ANKS1B: variants seen among roughly 807,000 people sequenced by gnomAD.
ANKS1B encodes the protein ankyrin repeat and sterile alpha motif domain-containing protein 1B.
ANKS1B carries 36 observed loss-of-function variants against 148.3 expected under a neutral mutation model. The observed-to-expected ratio is 0.24, with a 90% CI of 0.19 to 0.32. The LOEUF (loss-of-function observed/expected upper bound fraction) is 0.32, where lower values mean the gene tolerates loss of function less well. Among genes scored for constraint, ANKS1B ranks in the 10% least tolerant of loss-of-function variants. The pLI, the probability that ANKS1B is intolerant of heterozygous loss-of-function variation, is 1.00. For synonymous variants in ANKS1B, 542 were observed against 560.8 expected, an observed-to-expected ratio of 0.97 and a Z score of 0.47; for missense variants, 1,157 against 1,542.6, an observed-to-expected ratio of 0.75 and a Z score of 4.19.
intron 16 of ANKS1B, among the ~76,000 whole-genome samples, chr12:99,071,890 C>T (rs2046402024): frequency 6.6e-6 from 1 of 152,122 alleles, no homozygotes; most frequent in South Asian, 2.1e-4. Context: ...CGTGATCTGC[C>T]TGCCTCGGCC....
intron 9 of ANKS1B, among the ~76,000 whole-genome samples, chr12:99,561,402 G>C (rs1378656177): frequency 6.6e-6 from 1 of 152,038 alleles, no homozygotes; most frequent in Admixed American, 6.6e-5. Flanking sequence ...GATTGATGAG[G>C]CCTCATTGTA....
intron 12 of ANKS1B, among the ~76,000 whole-genome samples, chr12:99,311,296 T>A (rs994012457): frequency 3.6e-4 from 54 of 152,030 alleles, no homozygotes; most frequent in African/African-American, 1.3e-3. Flanking sequence ...GAAAAAAATA[T>A]ACAGAAAAAG....
At position 99,135,943 on chromosome 12, in the gene ANKS1B, C is replaced by T. The variant is rs1469055996; in HGVS notation, c.2526+18346G>A. ...GCAGTCTCAGAGAACAGCCCAGCTT[C>T]GGACAGGAAGACTAAGGAGATGGGT... On this transcript the variant is annotated intron_variant, in intron 15 of 26. Coordinates refer to ENST00000683438, the MANE Select transcript of ANKS1B (RefSeq NM_001352186.2). Among the ~76,000 whole-genome samples the T allele has an allele frequency of 4.0e-5, 6 of 151,854 alleles. No individual in the cohort carries two copies. In the South Asian group the frequency reaches 6.3e-4, roughly 16 times the overall value.
chr12:99,895,786 T>C (rs1389363910), intron 1 of ANKS1B, among the ~76,000 whole-genome samples: 2 of 151,168 alleles, frequency 1.3e-5, no homozygotes, highest in Non-Finnish European at 3.0e-5. Context: ...GCCTCTTTTC[T>C]ATGGAGTCCT....
chr12:99,120,990 C>G (rs1368110035), intron 15 of ANKS1B, among the ~76,000 whole-genome samples: 3 of 152,048 alleles, frequency 2.0e-5, no homozygotes, highest in Non-Finnish European at 2.9e-5. Flanking sequence ...AGAATGATGA[C>G]TAACCTAATT....
intron 17 of ANKS1B, among the ~76,000 whole-genome samples, chr12:98,985,026 A>T (rs1052606753): frequency 2.6e-5 from 4 of 152,174 alleles, no homozygotes; most frequent in African/African-American, 9.7e-5. Flanking sequence ...CAATGAATAG[A>T]TAAACAAAAA....
At chr12:99,385,460 C>T (rs1304960006) in intron 12 of ANKS1B, among the ~76,000 whole-genome samples, 1 of 152,110 alleles carries the variant, frequency 6.6e-6, no homozygotes, top group Admixed American at 6.5e-5. Context: ...CAGAGCGAGG[C>T]TGTGTCAAAA....
rs1379823018 is a variant in ANKS1B at position 99,646,578 on chromosome 12, C to T, written c.1272+8489G>A. On this transcript the variant is annotated intron_variant, in intron 9 of 26. Transcript: ENST00000683438. ...CTGATGCAGGAGAATCACTTGAACC[C>T]AGGAGGCGGAGGTTGCAGTGAGCCA... Among the ~76,000 whole-genome samples, 4 of 145,190 alleles carry T rather than the reference C, an allele frequency of 2.8e-5. No homozygotes were observed. In the East Asian group the frequency reaches 6.2e-4, roughly 22 times the overall value.
chr12:98,760,118 C>T (rs1324280779), intron 25 of ANKS1B, among the ~76,000 whole-genome samples: 2 of 152,132 alleles, frequency 1.3e-5, no homozygotes, highest in Admixed American at 1.3e-4. Flanking sequence ...TAGTAGTTAT[C>T]ACTGCGTATT....
intron 1 of ANKS1B, among the ~76,000 whole-genome samples, chr12:99,895,818 G>A (rs773396755): frequency 3.3e-5 from 5 of 151,182 alleles, no homozygotes; most frequent in Non-Finnish European, 7.4e-5. Context: ...AAATACTCCT[G>A]AGATTGATGA....
chr12:99,853,054 C>T (rs2088248190), intron 1 of ANKS1B, among the ~76,000 whole-genome samples: 1 of 152,128 alleles, frequency 6.6e-6, no homozygotes, highest in African/African-American at 2.4e-5. Context: ...CCCATAGCAG[C>T]CACAGCAAGC....
intron 9 of ANKS1B, among the ~76,000 whole-genome samples, chr12:99,536,241 TG>T (rs988415116): frequency 2.2e-4 from 34 of 152,278 alleles, no homozygotes; most frequent in African/African-American, 7.2e-4. Context: ...GATGATGATG[TG>T]TCAATGTAGG....
intron 14 of ANKS1B, among the ~76,000 whole-genome samples, chr12:99,189,759 C>G (rs917572896): frequency 6.6e-6 from 1 of 152,154 alleles, no homozygotes; most frequent in Non-Finnish European, 1.5e-5. Context: ...AAACTGGAAG[C>G]ATTCCCTTAG....
intron 14 of ANKS1B, among the ~76,000 whole-genome samples, chr12:99,181,160 C>T (rs192812329): frequency 2.1e-4 from 32 of 152,164 alleles, no homozygotes; most frequent in Admixed American, 4.6e-4. Context: ...TAAATAAATT[C>T]GTTATGCTTT....
intron 15 of ANKS1B, among the ~76,000 whole-genome samples, chr12:99,131,440 G>A (rs2066053946): frequency 6.6e-6 from 1 of 152,142 alleles, no homozygotes; most frequent in African/African-American, 2.4e-5. Context: ...AAGTCTGAGG[G>A]TCCCAGGACT....
chr12:99,067,878 A>ATGTG (rs10632657), intron 16 of ANKS1B, among the ~76,000 whole-genome samples: 1,611 of 149,394 alleles, frequency 0.011, 5 homozygotes, highest in East Asian at 0.028. Context: ...GTGTGTGTGC[A>ATGTG]TGTGTGTGTG....
chr12:99,408,086 T>G (rs1193553974), intron 11 of ANKS1B, among the ~76,000 whole-genome samples: 1 of 146,104 alleles, frequency 6.8e-6, no homozygotes, highest in Non-Finnish European at 1.5e-5. Context: ...TCACATTGCC[T>G]GACTTCAAGT....
At chr12:99,209,485 C>G (rs984600447) in intron 14 of ANKS1B, among the ~76,000 whole-genome samples, 2 of 152,190 alleles carry the variant, frequency 1.3e-5, no homozygotes, top group African/African-American at 4.8e-5. Flanking sequence ...CCTCCAATAT[C>G]TGGCTCTGAA....
At chr12:99,916,877 C>A (rs1342390858) in intron 1 of ANKS1B, among the ~76,000 whole-genome samples, 1 of 151,988 alleles carries the variant, frequency 6.6e-6, no homozygotes, top group Non-Finnish European at 1.5e-5. Flanking sequence ...TGTAAGTCGA[C>A]AAAATAATTA....
Sources: gnomAD v4.1 joint callset for allele counts (sites outside exome capture counted in the v4.1 genomes callset) on GRCh38, gnomAD v4.1.1 for gene constraint, MANE v1.5 for transcripts, NCBI Gene and HGNC (gene_info 2026-07-23, HGNC 2026-07-21) for gene names.